Variants in EHD4 observed in about 807,000 individuals in gnomAD.
EHD4 encodes the protein EH domain-containing protein 4.
EHD4 carries 37 observed loss-of-function variants against 51.0 expected under a neutral mutation model. That is an observed-to-expected ratio of 0.73 (90% CI 0.56 to 0.95). The LOEUF is 0.95. Among genes scored for constraint, EHD4 ranks in the 40% least tolerant of loss-of-function variants. EHD4 has a pLI of 0.00. For synonymous variants in EHD4, 297 were observed against 317.3 expected (o/e 0.94, Z 0.68); for missense variants, 632 against 733.1 (o/e 0.86, Z 1.59).
chr15:41,959,938 C>A (rs1375582321), intron 1 of EHD4, among the ~76,000 whole-genome samples: 1 of 150,442 alleles, frequency 6.6e-6, no homozygotes, highest in Non-Finnish European at 1.5e-5. Flanking sequence ...CCACTGCATT[C>A]CAGACTGGGT....
chr15:41,929,168 T>C (rs1052911171), intron 3 of EHD4, among the ~76,000 whole-genome samples: 3 of 152,192 alleles, frequency 2.0e-5, no homozygotes, highest in Non-Finnish European at 2.9e-5. Flanking sequence ...AGGGATGGCG[T>C]TGTGCTGTTT....
rs777813884 is a variant in EHD4 at position 41,972,441 on chromosome 15, C to T, written c.54G>A (p.Ala18=). The T allele has an allele frequency of 6.3e-7, 1 of 1,588,138 alleles. No homozygotes were observed. Among genetic ancestry groups the T allele is most frequent in the Non-Finnish European group, 8.6e-7 (1 of 1,169,384 alleles). Residue 18 remains alanine (A), a synonymous_variant, in exon 1 of 6, where the codon GCG becomes GCA. Coordinates refer to ENST00000220325, the MANE Select transcript of EHD4 (RefSeq NM_139265.4). ...QAGGRERAGG[A]DAVQTVTGGL... ...CGCCCGTCACCGTCTGCACCGCGTC[C>T]GCGCCGCCAGCGCGTTCGCGCCCGC...
At chr15:41,909,899 T>C (rs777303785) in intron 4 of EHD4, 36 bp from the exon 5 acceptor site, 2 of 1,611,720 alleles carry the variant, frequency 1.2e-6, no homozygotes, top group East Asian at 2.2e-5. Context: ...AAGTGTCATT[T>C]AGAATTGCAT....
chr15:41,900,620 C>T lies in EHD4; in HGVS notation c.*25G>A. On this transcript the variant is annotated 3_prime_UTR_variant, in exon 6 of 6. Transcript: ENST00000220325. The surrounding 1 kb of genome is among the most constrained non-coding windows in gnomAD (Gnocchi z 4.8). ...GGCCTGAGGCCCAGGTCCCCCAGTT[C>T]CCACCCCGTTCTGCAGCCCACCCCT... The T allele has an allele frequency of 1.3e-6, 2 of 1,546,624 alleles. No homozygotes were observed. Among genetic ancestry groups the T allele is most frequent in the Non-Finnish European group, 1.7e-6 (2 of 1,150,030 alleles).
intron 3 of EHD4, 44 bp from the exon 4 acceptor site, chr15:41,919,666 A>C: frequency 6.8e-7 from 1 of 1,479,196 alleles, no homozygotes; most frequent in Non-Finnish European, 9.0e-7. Flanking sequence ...CTGCTGCAGG[A>C]GACACGTTTA....
chr15:41,959,252 C>T (rs561408732), intron 1 of EHD4, among the ~76,000 whole-genome samples: 39 of 151,878 alleles, frequency 2.6e-4, no homozygotes, highest in African/African-American at 9.4e-4. Context: ...TAAAATTAGC[C>T]AGGCATGGTG....
chr15:41,909,575 T>G (rs1232923267), intron 5 of EHD4, 124 bp downstream of exon 5: 2 of 1,127,694 alleles, frequency 1.8e-6, no homozygotes, highest in African/African-American at 3.1e-5. Context: ...TGGATCACCA[T>G]TAGGAAGATG....
chr15:41,953,441 A>G (rs2067866074), intron 2 of EHD4, among the ~76,000 whole-genome samples: 1 of 152,176 alleles, frequency 6.6e-6, no homozygotes, highest in Non-Finnish European at 1.5e-5. Flanking sequence ...GCTGGTCTCA[A>G]ACTCCTGGCT....
chr15:41,900,591 A>T lies in EHD4; in HGVS notation c.*54T>A. 6.7e-7 allele frequency: 1 copy of T among 1,489,046 alleles called. No individual in the cohort carries two copies. 92.2% of individuals were successfully genotyped at this position (1,489,046 alleles called of 1,614,324 possible). The stretch of plus-strand genomic sequence containing the variant: ...AGGTCATTCGGTGAGTCAGTGGTGG[A>T]GCAGGCCTGAGGCCCAGGTCCCCCA... On this transcript the variant is annotated 3_prime_UTR_variant, in exon 6 of 6. Transcript: ENST00000220325. The surrounding 1 kb of genome is among the most constrained non-coding windows in gnomAD (Gnocchi z 4.8).
At chr15:41,944,675 T>C (rs939095784) in intron 2 of EHD4, among the ~76,000 whole-genome samples, 1 of 152,194 alleles carries the variant, frequency 6.6e-6, no homozygotes, top group Admixed American at 6.5e-5. Flanking sequence ...AGGATCCTTT[T>C]GCAGGTGGAA....
Position 41,935,606 on chromosome 15 carries a change from C to CGT in EHD4, c.511+7459_511+7460dup, listed in dbSNP as rs751724184. Among the ~76,000 whole-genome samples the CGT allele has an allele frequency of 9.2e-5, 14 of 152,204 alleles. 2 individuals carry two copies. The highest frequency in any genetic ancestry group is 3.9e-4 in the Admixed American group (6 of 15,286). On this transcript the variant is annotated intron_variant, in intron 3 of 5. Transcript: ENST00000220325. ...TTCTCATGGGGTTTGCTGCCTTCTC[C>CGT]GTGTGTGTGACTGGCAGCTGTATTT... is the stretch of plus-strand genomic sequence containing the variant.
chr15:41,922,292 G>A (rs1449226368), intron 3 of EHD4, among the ~76,000 whole-genome samples: 1 of 152,176 alleles, frequency 6.6e-6, no homozygotes, highest in African/African-American at 2.4e-5. Context: ...GGGAGGCTGA[G>A]GCAGGAAGAT....
chr15:41,918,282 G>A (rs922852776), intron 4 of EHD4, among the ~76,000 whole-genome samples: 1 of 151,810 alleles, frequency 6.6e-6, no homozygotes, highest in African/African-American at 2.4e-5. Context: ...ACAAGGCCAT[G>A]TGTGCACGCA....
Position 41,900,308 on chromosome 15 carries a change from T to G in EHD4, c.*337A>C. The stretch of plus-strand genomic sequence containing the variant: ...GAGACCCAGCTGCTCTGGGTGAGCC[T>G]TAGCTCACTTCCTGTGGTTCCTGGG... On this transcript the variant is annotated 3_prime_UTR_variant, in exon 6 of 6. Transcript: ENST00000220325. This position sits in a 1 kb window ranked among gnomAD's most constrained non-coding sequence, Gnocchi z 4.8. 1 of 306,318 alleles carries G rather than the reference T, an allele frequency of 3.3e-6. No homozygotes were observed. Among genetic ancestry groups the G allele is most frequent in the Non-Finnish European group, 6.1e-6 (1 of 165,258 alleles). 19.0% of individuals were successfully genotyped at this position (306,318 alleles called of 1,614,324 possible). A position where few individuals can be genotyped will look rare whatever the true frequency, so the allele number is the denominator to read the frequency against.
intron 4 of EHD4, among the ~76,000 whole-genome samples, chr15:41,915,953 AG>A (rs1272015629): frequency 6.6e-6 from 1 of 152,232 alleles, no homozygotes; most frequent in Non-Finnish European, 1.5e-5. Context: ...CTTTGGGAAG[AG>A]TATCTATCTA....
intron 4 of EHD4, among the ~76,000 whole-genome samples, chr15:41,917,223 C>T (rs1164192161): frequency 1.3e-5 from 2 of 151,970 alleles, no homozygotes; most frequent in Non-Finnish European, 2.9e-5. Context: ...TGGGTTCAAG[C>T]GATTCTCCTG....
At chr15:41,953,663 T>C in intron 2 of EHD4, 101 bp downstream of exon 2, 4 of 1,260,662 alleles carry the variant, frequency 3.2e-6, no homozygotes, top group Non-Finnish European at 4.4e-6. Flanking sequence ...AGAGCAGAGA[T>C]TCTTTGTTCT....
At chr15:41,928,093 CT>C (rs2067674806) in intron 3 of EHD4, among the ~76,000 whole-genome samples, 2 of 152,208 alleles carry the variant, frequency 1.3e-5, no homozygotes, top group Non-Finnish European at 2.9e-5. Flanking sequence ...ATAACAGCCA[CT>C]TCAGGGCAAG....
At chr15:41,937,280 G>A (rs920081074) in intron 3 of EHD4, among the ~76,000 whole-genome samples, 5 of 152,104 alleles carry the variant, frequency 3.3e-5, no homozygotes, top group African/African-American at 1.2e-4. Flanking sequence ...CAAGGGCCCT[G>A]AGCTCACATA....
Sources: allele counts gnomAD v4.1 joint callset (sites outside exome capture counted in the v4.1 genomes callset), GRCh38; gene constraint gnomAD v4.1.1; non-coding constraint Gnocchi (gnomAD v3.1); transcripts MANE v1.5; gene names NCBI Gene and HGNC (gene_info 2026-07-23, HGNC 2026-07-21).